Variants in NPAS2 observed in about 807,000 individuals in gnomAD.
NPAS2 encodes neuronal PAS domain protein 2.
A neutral mutation model predicts 107.5 loss-of-function variants in NPAS2; 23 were observed. That is an observed-to-expected ratio of 0.21 (90% CI 0.15 to 0.30). The LOEUF is 0.30. Ranked by LOEUF, NPAS2 falls within the 10% of genes least tolerant of loss-of-function variation. The probability of loss-of-function intolerance (pLI) is 1.00; values close to 1 mark genes in which losing one functional copy is unlikely to be tolerated. For synonymous variants in NPAS2, 403 were observed against 417.5 expected (o/e 0.97, Z 0.42); for missense variants, 756 against 1,043.3 (o/e 0.72, Z 3.79).
Position 100,862,655 on chromosome 2 carries a change from A to G in NPAS2, c.-22-42078A>G, listed in dbSNP as rs546779999. Among the ~76,000 whole-genome samples, 12 of 152,242 alleles carry G rather than the reference A, an allele frequency of 7.9e-5. No individual in the cohort carries two copies. The East Asian group carries it at 2.1e-3, about 27-fold the overall frequency. ...TTTGCCCAGGTTATCCACACGTACC[A>G]TGGCATAGTTTCTCCAGCAAGTCAG... On this transcript the variant is annotated intron_variant, in intron 1 of 20. Transcript: ENST00000335681.
chr2:100,955,861 C>G (rs1336035906), intron 7 of NPAS2, among the ~76,000 whole-genome samples: 2 of 152,092 alleles, frequency 1.3e-5, no homozygotes, highest in Non-Finnish European at 2.9e-5. Context: ...GCCCCATGCT[C>G]CTGACACCCT....
chr2:100,995,933 C>T lies in NPAS2; in HGVS notation c.*351C>T. The T allele has an allele frequency of 1.4e-6, 2 of 1,393,650 alleles. No homozygotes were observed. Among genetic ancestry groups the T allele is most frequent in the South Asian group, 2.4e-5 (2 of 81,766 alleles). 86.3% of individuals were successfully genotyped at this position (1,393,650 alleles called of 1,614,324 possible). A position where few individuals can be genotyped will look rare whatever the true frequency, so the allele number is the denominator to read the frequency against. ...CACCGGTTGCTCTAGCCACCTGCGG[C>T]CCGCCCATCTGCGCTAGCTGGCCTT... On this transcript the variant is annotated 3_prime_UTR_variant, in exon 21 of 21. Transcript: ENST00000335681.
rs1211180667 is a variant in NPAS2 at position 100,835,811 on chromosome 2, G to T, written c.-23+15397G>T. On this transcript the variant is annotated intron_variant, in intron 1 of 20. Transcript: ENST00000335681. Reference sequence around the variant, plus strand: ...AAACCCGAGATGGACTGAATTTATGGGGAAGCCTCCTAGAAGTCACTCAGG... The same window carrying T: ...AAACCCGAGATGGACTGAATTTATGTGGAAGCCTCCTAGAAGTCACTCAGG... Among the ~76,000 whole-genome samples, 7 of 152,184 alleles carry T rather than the reference G, an allele frequency of 4.6e-5. No homozygotes were observed. The South Asian group carries it at 1.5e-3, about 32-fold the overall frequency.
In NPAS2 at chr2:100,845,219, A is replaced by G. The variant is rs191981573; in HGVS notation, c.-23+24805A>G. On this transcript the variant is annotated intron_variant, in intron 1 of 20. Transcript: ENST00000335681. ...GGTGGAATTAGGGCAGCTGTCATTT[A>G]TTAATCAACTCCTGGCCATTTGGGG... 2.0e-5 allele frequency among the ~76,000 whole-genome samples: 3 copies of G among 152,316 alleles called. No homozygotes were observed. In the East Asian group the frequency reaches 5.8e-4, roughly 29 times the overall value.
At chr2:100,823,656 A>G (rs1676204052) in intron 1 of NPAS2, 1 of 152,230 alleles carries the variant, frequency 6.6e-6, no homozygotes. Context: ...CCAGTTCAGC[A>G]TGTTTACTGA....
intron 5 of NPAS2, among the ~76,000 whole-genome samples, chr2:100,940,279 C>A (rs1031764449): frequency 1.3e-5 from 2 of 152,208 alleles, no homozygotes; most frequent in Non-Finnish European, 2.9e-5. Flanking sequence ...CTGCAGAACC[C>A]AGGCTGGTCA....
intron 1 of NPAS2, among the ~76,000 whole-genome samples, chr2:100,840,313 G>A (rs749414012): frequency 1.3e-5 from 2 of 152,084 alleles, no homozygotes; most frequent in Non-Finnish European, 2.9e-5. Flanking sequence ...TAACTACAGC[G>A]AAGACTGTAG....
At chr2:100,850,037 A>C (rs929565983) in intron 1 of NPAS2, among the ~76,000 whole-genome samples, 2 of 82,828 alleles carry the variant, frequency 2.4e-5, no homozygotes, top group Non-Finnish European at 5.0e-5. Context: ...AAAAAAAAAA[A>C]GCAAGAGAAA....
At chr2:100,972,120 G>A (rs1676617105) in intron 12 of NPAS2, among the ~76,000 whole-genome samples, 1 of 151,858 alleles carries the variant, frequency 6.6e-6, no homozygotes, top group African/African-American at 2.4e-5. Flanking sequence ...GCTAATTTTT[G>A]TGTCTTTCAT....
intron 2 of NPAS2, among the ~76,000 whole-genome samples, chr2:100,919,957 TC>T (rs1683121720): frequency 6.6e-6 from 1 of 152,196 alleles, no homozygotes; most frequent in South Asian, 2.1e-4. Flanking sequence ...TTCCATCTCT[TC>T]CTCTAGACAC....
intron 1 of NPAS2, among the ~76,000 whole-genome samples, chr2:100,890,890 T>C (rs115930502): frequency 0.01 from 1,537 of 152,138 alleles, 29 homozygotes; most frequent in African/African-American, 0.035. Context: ...GACCCCTGGC[T>C]GCACAGGGAG....
intron 1 of NPAS2, among the ~76,000 whole-genome samples, chr2:100,839,070 C>G (rs909104151): frequency 2.0e-5 from 3 of 152,134 alleles, no homozygotes; most frequent in Non-Finnish European, 2.9e-5. Context: ...TTTTCCTCCT[C>G]TTCCTCCTTC....
chr2:100,949,554 C>G (rs183247407), intron 7 of NPAS2, 74 bp downstream of exon 7: 2 of 871,658 alleles, frequency 2.3e-6, no homozygotes, highest in Admixed American at 1.9e-5. Context: ...CATTAAGAAT[C>G]GCCCAGGGAG....
chr2:100,995,775 C>A lies in NPAS2; in HGVS notation c.*193C>A, dbSNP rs574112867. The A allele has an allele frequency of 9.7e-5, 150 of 1,549,020 alleles. No homozygotes were observed. In the African/African-American group the frequency reaches 1.9e-3, roughly 19 times the overall value. ...AGTGGAAATGATCAGGAATACTGAC[C>A]GTGTTTCTCTTGCCTCCGAGGTTCT... On this transcript the variant is annotated 3_prime_UTR_variant, in exon 21 of 21. Transcript: ENST00000335681.
At chr2:100,961,518 C>T (rs1675913237) in intron 7 of NPAS2, among the ~76,000 whole-genome samples, 1 of 152,132 alleles carries the variant, frequency 6.6e-6, no homozygotes, top group African/African-American at 2.4e-5. Context: ...ATATCTAGCT[C>T]ATCAAATGCA....
chr2:100,873,299 TATATATATACACACACACACAC>T (rs1679722459), intron 1 of NPAS2, among the ~76,000 whole-genome samples: 1 of 44,970 alleles, frequency 2.2e-5, no homozygotes, highest in African/African-American at 7.4e-5. Flanking sequence ...TATATATATA[TATATATATACACACACACACAC>T]ACACACACAC....
intron 1 of NPAS2, among the ~76,000 whole-genome samples, chr2:100,828,996 A>G (rs1051861662): frequency 2.0e-5 from 3 of 152,200 alleles, no homozygotes; most frequent in African/African-American, 7.2e-5. Flanking sequence ...CAGTATGAGC[A>G]TTTTAATAAT....
intron 16 of NPAS2, chr2:100,986,683 C>G (rs1677798324): frequency 1.3e-5 from 2 of 152,208 alleles, no homozygotes; most frequent in Non-Finnish European, 2.9e-5. Flanking sequence ...TTTCTTAAAA[C>G]TTTAGAGTCA....
Position 100,929,048 on chromosome 2 carries a change from C to CA in NPAS2, c.181+3755dup, listed in dbSNP as rs575115793. Among the ~76,000 whole-genome samples the CA allele has an allele frequency of 8.9e-4, 136 of 152,304 alleles. 1 individual carries two copies. The South Asian group carries it at 0.027, about 31-fold the overall frequency. On this transcript the variant is annotated intron_variant, in intron 3 of 20. Transcript: ENST00000335681. ...CTTCCCAAGTAGCTGGGATTGCAGACACGTGCCACCACACCTGGCTAATTT... is the reference window on the plus strand; with the variant it reads ...CTTCCCAAGTAGCTGGGATTGCAGACAACGTGCCACCACACCTGGCTAATTT...
Sources: gnomAD v4.1 joint callset for allele counts (sites outside exome capture counted in the v4.1 genomes callset) on GRCh38, gnomAD v4.1.1 for gene constraint, MANE v1.5 for transcripts, NCBI Gene and HGNC (gene_info 2026-07-23, HGNC 2026-07-21) for gene names.